Variants in IGSF3 observed in about 807,000 individuals in gnomAD.
IGSF3 encodes the protein immunoglobulin superfamily member 3.
In IGSF3, 23 loss-of-function variants were observed where a neutral mutation model predicts 114.4. The ratio of observed to expected loss-of-function variants is 0.20; its 90% CI spans 0.14 to 0.28. The LOEUF (loss-of-function observed/expected upper bound fraction) is 0.28, where lower values mean the gene tolerates loss of function less well. Ranked by LOEUF, IGSF3 falls within the 10% of genes least tolerant of loss-of-function variation. IGSF3 has a pLI of 1.00. For synonymous variants in IGSF3, 571 were observed against 645.2 expected, an observed-to-expected ratio of 0.88 and a Z score of 1.74; for missense variants, 1,172 against 1,591.5, an observed-to-expected ratio of 0.74 and a Z score of 4.48.
intron 6 of IGSF3, among the ~76,000 whole-genome samples, chr1:116,602,443 G>A (rs758433760): frequency 3.9e-5 from 6 of 151,978 alleles, no homozygotes; most frequent in South Asian, 2.1e-4. Context: ...CACAGGTGCT[G>A]AGTATGGATA....
At chr1:116,658,811 C>T (rs1443531200) in intron 2 of IGSF3, among the ~76,000 whole-genome samples, 2 of 152,206 alleles carry the variant, frequency 1.3e-5, no homozygotes, top group African/African-American at 2.4e-5. Flanking sequence ...CCTCTCTCCC[C>T]CAGTAGACAC....
Position 116,577,651 on chromosome 1 carries a change from G to C in IGSF3, c.3335-89C>G. The C allele has an allele frequency of 7.6e-7, 1 of 1,317,828 alleles. No individual in the cohort carries two copies. The allele number at this position is 1,317,828 out of a possible 1,614,324, so 81.6% of individuals were successfully genotyped here. A position where few individuals can be genotyped will look rare whatever the true frequency, so the allele number is the denominator to read the frequency against. On this transcript the variant is annotated intron_variant, in intron 10 of 10. Transcript: ENST00000369486. The surrounding 1 kb of genome is among the most constrained non-coding windows in gnomAD (Gnocchi z 5.7). ...TTTTGAAGACCTCACCTGACCCAGT[G>C]GAAGCTCCTCGGTGACACTCCCACA...
chr1:116,631,317 CAAAAA>C (rs939848949), intron 2 of IGSF3, among the ~76,000 whole-genome samples: 6 of 46,092 alleles, frequency 1.3e-4, no homozygotes, highest in Non-Finnish European at 2.5e-4. Context: ...GACGCTGTCT[CAAAAA>C]AAAAAAAAAA....
In IGSF3 at chr1:116,579,731, C is replaced by T. The variant is rs1399995783; in HGVS notation, c.2995G>A (p.Gly999Arg). ...AWYSLRTKAG[G>R]KRSSPGLEEQ... ...TCCAGGCCAGGGCTGCTCCTTTTCCCCCCAGCTTTAGTCCTCAGGGAATAC... is the reference window on the plus strand; with the variant it reads ...TCCAGGCCAGGGCTGCTCCTTTTCCTCCCAGCTTTAGTCCTCAGGGAATAC... The change falls in exon 10 of 11, where the codon GGG becomes AGG. Residue 999 changes from glycine to arginine, a missense_variant. Physicochemically the swap from Gly to Arg is moderately radical, Grantham distance 125. Transcript: ENST00000369486. The surrounding 1 kb of genome is among the most constrained non-coding windows in gnomAD (Gnocchi z 6.4). 11 of 1,599,354 alleles carry T rather than the reference C, an allele frequency of 6.9e-6. No homozygotes were observed. The highest frequency in any genetic ancestry group is 1.3e-5 in the African/African-American group (1 of 74,698).
Position 116,665,875 on chromosome 1 carries a change from G to A in IGSF3, c.43+409C>T, listed in dbSNP as rs1398993572. 1.3e-5 allele frequency among the ~76,000 whole-genome samples: 2 copies of A among 151,972 alleles called. No homozygotes were observed. Among genetic ancestry groups the A allele is most frequent in the African/African-American group, 4.8e-5 (2 of 41,342 alleles). ...ATCATTATCACCCAAACCAACTTTC[G>A]AGACAGAGGGGAATGATGTTCCCAC... On this transcript the variant is annotated intron_variant, in intron 2 of 10. Coordinates refer to ENST00000369486, the MANE Select transcript of IGSF3 (RefSeq NM_001007237.3). The surrounding 1 kb of genome is among the most constrained non-coding windows in gnomAD (Gnocchi z 4.0).
chr1:116,582,554 C>T lies in IGSF3; in HGVS notation c.2848+2091G>A, dbSNP rs1326037004. Among the ~76,000 whole-genome samples, 1 of 152,196 alleles carries T rather than the reference C, an allele frequency of 6.6e-6. No homozygotes were observed. Among genetic ancestry groups the T allele is most frequent in the African/African-American group, 2.4e-5 (1 of 41,436 alleles). On this transcript the variant is annotated intron_variant, in intron 9 of 10. Transcript: ENST00000369486. This position sits in a 1 kb window ranked among gnomAD's most constrained non-coding sequence, Gnocchi z 4.7. ...TATTTTCCTAACAATACTTTTAGAG[C>T]TATATTATTTCAAGTCTTCCATGTG...
Position 116,579,654 on chromosome 1 carries a change from G to GTCA in IGSF3, c.3071_3072insTGA (p.Asp1026dup), listed in dbSNP as rs773523036. 1.2e-5 allele frequency: 19 copies of GTCA among 1,595,698 alleles called. No homozygotes were observed. The highest frequency in any genetic ancestry group is 5.5e-5 in the South Asian group (5 of 90,512). The stretch of plus-strand genomic sequence containing the variant: ...GGGCCGTCCGCTCTGTTGGGTCGTC[G>GTCA]TCGTCGTCGTCGTCCTCCTCCTCCT... On this transcript the variant is annotated inframe_insertion, in exon 10 of 11. Transcript: ENST00000369486. This position sits in a 1 kb window ranked among gnomAD's most constrained non-coding sequence, Gnocchi z 6.4.
At chr1:116,620,901 T>C (rs1480657473) in intron 2 of IGSF3, among the ~76,000 whole-genome samples, 1 of 152,174 alleles carries the variant, frequency 6.6e-6, no homozygotes, top group Non-Finnish European at 1.5e-5. Flanking sequence ...CCACCATGCC[T>C]GGCTAAATTT....
At position 116,594,664 on chromosome 1, in the gene IGSF3, C is replaced by T. The variant is rs1660264982; in HGVS notation, c.2029+5277G>A. 6.6e-6 allele frequency among the ~76,000 whole-genome samples: 1 copy of T among 152,200 alleles called. No individual in the cohort carries two copies. Among genetic ancestry groups the T allele is most frequent in the Middle Eastern group, 3.2e-3 (1 of 316 alleles). The stretch of plus-strand genomic sequence containing the variant: ...ACCCAGGCCGTCTGGTCTGTCCTTG[C>T]TTTTAGCTATTACATATGCCCACCC... On this transcript the variant is annotated intron_variant, in intron 7 of 10. Coordinates refer to ENST00000369486, the MANE Select transcript of IGSF3 (RefSeq NM_001007237.3). This position sits in a 1 kb window ranked among gnomAD's most constrained non-coding sequence, Gnocchi z 5.2.
At chr1:116,645,541 G>C (rs994108719) in intron 2 of IGSF3, among the ~76,000 whole-genome samples, 3 of 152,184 alleles carry the variant, frequency 2.0e-5, no homozygotes, top group African/African-American at 7.2e-5. Flanking sequence ...AAAACACTAG[G>C]TTCCTTTTCC....
rs1647481632 is a variant in IGSF3, at chr1:116,629,972, A to G, written c.44-13515T>C. ...AGGGTACAAGGAAGGCACCTGAATG[A>G]CAGATGGTTTGAGGAATCTTGAGAA... is the stretch of plus-strand genomic sequence containing the variant. On this transcript the variant is annotated intron_variant, in intron 2 of 10. Coordinates refer to ENST00000369486, the MANE Select transcript of IGSF3 (RefSeq NM_001007237.3). This position sits in a 1 kb window ranked among gnomAD's most constrained non-coding sequence, Gnocchi z 4.3. 6.6e-6 allele frequency among the ~76,000 whole-genome samples: 1 copy of G among 152,228 alleles called. No individual in the cohort carries two copies. The highest frequency in any genetic ancestry group is 2.4e-5 in the African/African-American group (1 of 41,468).
chr1:116,588,244 G>C lies in IGSF3; in HGVS notation c.2440+450C>G, dbSNP rs528305917. On this transcript the variant is annotated intron_variant, in intron 8 of 10. Coordinates refer to ENST00000369486, the MANE Select transcript of IGSF3 (RefSeq NM_001007237.3). This position sits in a 1 kb window ranked among gnomAD's most constrained non-coding sequence, Gnocchi z 4.9. The stretch of plus-strand genomic sequence containing the variant: ...TTCAGTTTGGAGATAGGAAAGGCTT[G>C]TCTGGGCGGGCTGGGAGCTAAGGAA... 1.8e-4 allele frequency among the ~76,000 whole-genome samples: 27 copies of C among 152,320 alleles called. No individual in the cohort carries two copies. The highest frequency in any genetic ancestry group is 2.6e-4 in the Non-Finnish European group (18 of 68,032).
In IGSF3 at chr1:116,605,016, T is replaced by A. The variant is rs1273384647; in HGVS notation, c.1223-991A>T. 6.6e-6 allele frequency among the ~76,000 whole-genome samples: 1 copy of A among 152,196 alleles called. No homozygotes were observed. The highest frequency in any genetic ancestry group is 6.5e-5 in the Admixed American group (1 of 15,290). On this transcript the variant is annotated intron_variant, in intron 5 of 10. Transcript: ENST00000369486. The surrounding 1 kb of genome is among the most constrained non-coding windows in gnomAD (Gnocchi z 5.1). ...TCATGATTAATTTTACTATTCCACATAACTCTTTGTTTTTATAAACATCAC... is the reference window on the plus strand; with the variant it reads ...TCATGATTAATTTTACTATTCCACAAAACTCTTTGTTTTTATAAACATCAC...
At position 116,603,733 on chromosome 1, in the gene IGSF3, G is replaced by A. The variant is rs377289057; in HGVS notation, c.1515C>T (p.Asp505=). 2.9e-5 allele frequency: 47 copies of A among 1,613,820 alleles called. No homozygotes were observed. The Admixed American group carries it at 3.2e-4, about 11-fold the overall frequency. The change falls in exon 6 of 11, where the codon GAC becomes GAT. Residue 505 remains aspartate, a synonymous_variant. Coordinates refer to ENST00000369486, the MANE Select transcript of IGSF3 (RefSeq NM_001007237.3). This position sits in a 1 kb window ranked among gnomAD's most constrained non-coding sequence, Gnocchi z 7.1. ...SLGIFNSRKE[D]EGQYECHVTE... Reference sequence around the variant, plus strand: ...TCACATGGCATTCATACTGGCCCTCGTCCTCCTTCCTGCTGTTGAAGATGC... The same window carrying A: ...TCACATGGCATTCATACTGGCCCTCATCCTCCTTCCTGCTGTTGAAGATGC...
rs1322516670 is a variant in IGSF3, at chr1:116,649,307, A to G, written c.43+16977T>C. On this transcript the variant is annotated intron_variant, in intron 2 of 10. Coordinates refer to ENST00000369486, the MANE Select transcript of IGSF3 (RefSeq NM_001007237.3). The surrounding 1 kb of genome is among the most constrained non-coding windows in gnomAD (Gnocchi z 4.5). ...GACTAACGCTAGTCACATGGCCCCA[A>G]CTGAACTGTGAGGGAGGCTGGAAAA... Among the ~76,000 whole-genome samples, 3 of 152,168 alleles carry G rather than the reference A, an allele frequency of 2.0e-5. No individual in the cohort carries two copies. The highest frequency in any genetic ancestry group is 6.5e-5 in the Admixed American group (1 of 15,282).
In IGSF3 at chr1:116,635,519, G is replaced by C. The variant is rs567175158; in HGVS notation, c.44-19062C>G. On this transcript the variant is annotated intron_variant, in intron 2 of 10. Coordinates refer to ENST00000369486, the MANE Select transcript of IGSF3 (RefSeq NM_001007237.3). The stretch of plus-strand genomic sequence containing the variant: ...CACTTTTCCAGGCCTCTGCACTGGA[G>C]GCTGCATCAGCCACCTCCCAGTACA... Among the ~76,000 whole-genome samples, 5 of 152,306 alleles carry C rather than the reference G, an allele frequency of 3.3e-5. No individual in the cohort carries two copies. In the South Asian group the frequency reaches 1.0e-3, roughly 32 times the overall value.
Position 116,577,858 on chromosome 1 carries a change from C to T in IGSF3, c.3335-296G>A, listed in dbSNP as rs761905077. ...TGAAACATAATTTATTGATTGTGAA[C>T]TCAACTGCATCTAGAATGGTGAAGA... is the stretch of plus-strand genomic sequence containing the variant. On this transcript the variant is annotated intron_variant, in intron 10 of 10. Coordinates refer to ENST00000369486, the MANE Select transcript of IGSF3 (RefSeq NM_001007237.3). This position sits in a 1 kb window ranked among gnomAD's most constrained non-coding sequence, Gnocchi z 5.7. 6.6e-6 allele frequency among the ~76,000 whole-genome samples: 1 copy of T among 152,156 alleles called. No homozygotes were observed. Among genetic ancestry groups the T allele is most frequent in the Non-Finnish European group, 1.5e-5 (1 of 68,036 alleles).
chr1:116,643,708 T>C (rs1282902176), intron 2 of IGSF3, among the ~76,000 whole-genome samples: 1 of 152,232 alleles, frequency 6.6e-6, no homozygotes, highest in Non-Finnish European at 1.5e-5. Context: ...TACGGGCACG[T>C]CTTGTGTTGT....
At chr1:116,590,021 G>A (rs531691041) in intron 7 of IGSF3, among the ~76,000 whole-genome samples, 6 of 152,230 alleles carry the variant, frequency 3.9e-5, no homozygotes, top group East Asian at 3.9e-4. Context: ...ATGAGAGCAC[G>A]TTGGAGAAAC....
Sources: allele counts gnomAD v4.1 joint callset (sites outside exome capture counted in the v4.1 genomes callset), GRCh38; gene constraint gnomAD v4.1.1; non-coding constraint Gnocchi (gnomAD v3.1); transcripts MANE v1.5; gene names NCBI Gene and HGNC (gene_info 2026-07-23, HGNC 2026-07-21).